Variants in RAB37 observed in about 807,000 individuals in gnomAD.
RAB37 encodes RAB37, member RAS oncogene family.
Under a neutral mutation model 33.1 loss-of-function variants are expected in RAB37, and 29 were observed. The ratio of observed to expected loss-of-function variants is 0.88; its 90% CI spans 0.65 to 1.20. The LOEUF (loss-of-function observed/expected upper bound fraction) is 1.20. Ranked by LOEUF, RAB37 falls within the 50% of genes most tolerant of loss-of-function variation. The probability of loss-of-function intolerance (pLI) is 0.00; values close to 1 mark genes in which losing one functional copy is unlikely to be tolerated. For synonymous variants in RAB37, 128 were observed against 119.5 expected (o/e 1.07, Z -0.47); for missense variants, 299 against 301.1 (o/e 0.99, Z 0.05).
chr17:74,743,379 C>A (rs1200051726), intron 5 of RAB37, 39 bp downstream of exon 5: 1 of 1,606,202 alleles, frequency 6.2e-7, no homozygotes, highest in Admixed American at 1.7e-5. Context: ...CCATAAGCAG[C>A]CAAGGCAAGG....
At chr17:74,683,477 C>G (rs892657034) in intron 1 of RAB37, among the ~76,000 whole-genome samples, 1 of 152,178 alleles carries the variant, frequency 6.6e-6, no homozygotes, top group Non-Finnish European at 1.5e-5. Flanking sequence ...AGAAGTGAGG[C>G]AGAAAAGCAC....
chr17:74,699,881 C>T (rs2032877716), intron 1 of RAB37, among the ~76,000 whole-genome samples: 1 of 152,082 alleles, frequency 6.6e-6, no homozygotes, highest in African/African-American at 2.4e-5. Context: ...TGGCTCATAC[C>T]TGTAATCCCA....
intron 1 of RAB37, among the ~76,000 whole-genome samples, chr17:74,716,504 A>G (rs2034166319): frequency 6.6e-6 from 1 of 152,158 alleles, no homozygotes; most frequent in African/African-American, 2.4e-5. Context: ...GCTATGTTTC[A>G]TATTTTCCAT....
At chr17:74,672,246 G>T (rs144865852) in intron 1 of RAB37, among the ~76,000 whole-genome samples, 5 of 152,174 alleles carry the variant, frequency 3.3e-5, no homozygotes, top group African/African-American at 9.6e-5. Context: ...AGTAATGCAG[G>T]TCTCCCCCTA....
chr17:74,725,709 C>T (rs1242836920), intron 1 of RAB37, among the ~76,000 whole-genome samples: 1 of 151,898 alleles, frequency 6.6e-6, no homozygotes, highest in Non-Finnish European at 1.5e-5. Context: ...CCGCAACCTC[C>T]ACCACCCGGG....
intron 1 of RAB37, among the ~76,000 whole-genome samples, chr17:74,697,557 G>T (rs1271772321): frequency 6.6e-6 from 1 of 152,230 alleles, no homozygotes; most frequent in East Asian, 1.9e-4. Context: ...TTCCCAGGCT[G>T]TGGGGAGGGA....
At chr17:74,706,720 C>A (rs151196286) in intron 1 of RAB37, among the ~76,000 whole-genome samples, 15 of 152,242 alleles carry the variant, frequency 9.9e-5, no homozygotes, top group Non-Finnish European at 1.8e-4. Context: ...CAACAACCAA[C>A]GGCGCGGACA....
Position 74,745,000 on chromosome 17 carries a change from C to T in RAB37, c.490-8C>T. 4 of 1,614,268 alleles carry T rather than the reference C, an allele frequency of 2.5e-6. No homozygotes were observed. The highest frequency in any genetic ancestry group is 2.5e-6 in the Non-Finnish European group (3 of 1,180,042). On this transcript the variant is annotated splice_polypyrimidine_tract_variant and splice_region_variant and intron_variant, in intron 7 of 8. Transcript: ENST00000392613. This position sits in a 1 kb window ranked among gnomAD's most constrained non-coding sequence, Gnocchi z 4.2. ...ACGCTGGCCCTGAGGACACTCTCTCCCGGGCAGGAGTACGGTGTTCCCTTC... is the reference window on the plus strand; with the variant it reads ...ACGCTGGCCCTGAGGACACTCTCTCTCGGGCAGGAGTACGGTGTTCCCTTC...
intron 1 of RAB37, among the ~76,000 whole-genome samples, chr17:74,718,397 G>A (rs577003003): frequency 2.6e-4 from 39 of 151,738 alleles, no homozygotes; most frequent in Middle Eastern, 3.4e-3. Flanking sequence ...TATAGCAGCC[G>A]GGACTAAGAT....
intron 1 of RAB37, among the ~76,000 whole-genome samples, chr17:74,679,938 A>G (rs2031917851): frequency 6.7e-6 from 1 of 149,358 alleles, no homozygotes; most frequent in African/African-American, 2.5e-5. Context: ...AGATTGCGAC[A>G]CTGCACTCCA....
At chr17:74,704,876 C>T in intron 1 of RAB37, 1 of 1,340,594 alleles carries the variant, frequency 7.5e-7, no homozygotes, top group Non-Finnish European at 1.0e-6. Flanking sequence ...CCACAGCTTT[C>T]TGTTTAGGGA....
upstream of RAB37, among the ~76,000 whole-genome samples, chr17:74,732,703 G>T (rs1289160453): frequency 9.9e-5 from 6 of 60,798 alleles, no homozygotes; most frequent in South Asian, 9.9e-4. Context: ...TGTGATTTGA[G>T]GGGTGTGTGG....
chr17:74,720,980 A>G (rs1204105548), intron 1 of RAB37, among the ~76,000 whole-genome samples: 1 of 152,160 alleles, frequency 6.6e-6, no homozygotes, highest in Non-Finnish European at 1.5e-5. Flanking sequence ...AAGCCGTGCC[A>G]TCTGAAGTTA....
rs144047103 is a variant in RAB37, at chr17:74,703,139, C to T, written c.73-26117C>T. On this transcript the variant is annotated intron_variant, in intron 1 of 7. Coordinates refer to the RAB37 transcript ENST00000340415. ...AGGTAGGCGTGGTGGGGGCAGGAGT[C>T]GACGCTGTAGTTGATGCTTGGTGTA... The T allele has an allele frequency of 9.5e-5, 153 of 1,612,940 alleles. 1 individual carries two copies. Among genetic ancestry groups the T allele is most frequent in the South Asian group, 2.4e-4 (22 of 91,002 alleles).
At chr17:74,691,220 C>T (rs1020234127) in intron 1 of RAB37, among the ~76,000 whole-genome samples, 3 of 152,160 alleles carry the variant, frequency 2.0e-5, no homozygotes, top group Non-Finnish European at 2.9e-5. Flanking sequence ...AGGCTGCTCT[C>T]GAACTCCTGG....
chr17:74,740,381 A>G (rs1257803083), intron 1 of RAB37, among the ~76,000 whole-genome samples: 1 of 152,164 alleles, frequency 6.6e-6, no homozygotes, highest in Admixed American at 6.5e-5. Flanking sequence ...CGGACGATGG[A>G]TGACACAAGT....
At chr17:74,721,291 A>G (rs975940805) in intron 1 of RAB37, among the ~76,000 whole-genome samples, 2 of 152,082 alleles carry the variant, frequency 1.3e-5, no homozygotes, top group African/African-American at 4.8e-5. Context: ...TACAGTACAT[A>G]CAGATCTTCC....
chr17:74,677,638 G>A (rs1234017455), intron 1 of RAB37: 1 of 152,118 alleles, frequency 6.6e-6, no homozygotes, highest in African/African-American at 2.4e-5. Context: ...TGCTTGCTCT[G>A]AAGGCTTACA....
chr17:74,682,324 C>G (rs1390329310), intron 1 of RAB37, among the ~76,000 whole-genome samples: 4 of 151,862 alleles, frequency 2.6e-5, no homozygotes, highest in Admixed American at 2.0e-4. Flanking sequence ...GCCTCACTCT[C>G]TGTCTCTCTC....
Sources: allele counts gnomAD v4.1 joint callset (sites outside exome capture counted in the v4.1 genomes callset), GRCh38; gene constraint gnomAD v4.1.1; non-coding constraint Gnocchi (gnomAD v3.1); transcripts MANE v1.5; gene names NCBI Gene and HGNC (gene_info 2026-07-23, HGNC 2026-07-21).